Variants in CKAP5 observed in about 807,000 individuals in gnomAD.
CKAP5 encodes cytoskeleton-associated protein 5.
A neutral mutation model predicts 232.8 loss-of-function variants in CKAP5; 27 were observed. The ratio of observed to expected loss-of-function variants is 0.12; its 90% CI spans 0.09 to 0.16. The LOEUF (loss-of-function observed/expected upper bound fraction) is 0.16, where lower values mean the gene tolerates loss of function less well. CKAP5 is among the 10% of genes least tolerant of loss of function. The probability of loss-of-function intolerance (pLI) is 1.00; values close to 1 mark genes in which losing one functional copy is unlikely to be tolerated. For missense variants in CKAP5, 1,838 were observed against 2,424.7 expected (o/e 0.76, Z 5.08); for synonymous variants, 785 against 841.1 (o/e 0.93, Z 1.16).
At chr11:46,753,523 A>G in intron 36 of CKAP5, 26 bp from the exon 37 acceptor site, 2 of 1,558,152 alleles carry the variant, frequency 1.3e-6, no homozygotes, top group Non-Finnish European at 1.8e-6. Flanking sequence ...TGTGTCAGGG[A>G]GGTGTAAAAC....
intron 1 of CKAP5, among the ~76,000 whole-genome samples, chr11:46,822,294 A>C (rs1179166940): frequency 3.3e-5 from 5 of 152,090 alleles, no homozygotes; most frequent in Non-Finnish European, 5.9e-5. Context: ...AAAACCAAAA[A>C]TTTGTTTTCT....
rs967712001 is a variant in CKAP5 at position 46,788,617 on chromosome 11, T to G, written c.1968+64A>C. 2.0e-4 allele frequency: 193 copies of G among 946,712 alleles called. 1 individual carries two copies. Among genetic ancestry groups the G allele is most frequent in the Middle Eastern group, 2.1e-4 (1 of 4,736 alleles). 58.6% of individuals were successfully genotyped at this position (946,712 alleles called of 1,614,324 possible). On this transcript the variant is annotated intron_variant, in intron 16 of 43. Transcript: ENST00000529230. ...TACGAAAACTATTCTGCTGTATTACTCCATAGGATGATGTAATGTAAATTA... is the reference window on the plus strand; with the variant it reads ...TACGAAAACTATTCTGCTGTATTACGCCATAGGATGATGTAATGTAAATTA...
chr11:46,769,498 C>G (rs1300899696), intron 26 of CKAP5, among the ~76,000 whole-genome samples: 2 of 152,038 alleles, frequency 1.3e-5, no homozygotes, highest in African/African-American at 4.8e-5. Flanking sequence ...GAGTTTGAGA[C>G]CAACCTGCGC....
chr11:46,772,237 C>A (rs574422938), intron 24 of CKAP5, among the ~76,000 whole-genome samples: 26 of 152,002 alleles, frequency 1.7e-4, no homozygotes, highest in African/African-American at 6.0e-4. Context: ...GCTTACAAAT[C>A]TTTTCTGTTG....
At chr11:46,776,646 T>C (rs2065293464) in intron 23 of CKAP5, among the ~76,000 whole-genome samples, 1 of 152,186 alleles carries the variant, frequency 6.6e-6, no homozygotes, top group Non-Finnish European at 1.5e-5. Context: ...GCATAAAATA[T>C]CATGTAAGAA....
At position 46,744,429 on chromosome 11, in the gene CKAP5, T is replaced by G. The variant is rs1209895156; in HGVS notation, c.5853A>C (p.Thr1951=). ...CACAGAAGAAAAGGAGCAGTACCTT[T>G]GTGTTGTCCAGACCACATCGCTGTC... ...ILRQRCGLDN[T]KQDDRPPLTS... is the part of the protein sequence containing the mutation. Residue 1951 remains threonine, a synonymous_variant, in exon 43 of 44, where the codon ACA becomes ACC. Coordinates refer to ENST00000529230, the MANE Select transcript of CKAP5 (RefSeq NM_001008938.4). The G allele has an allele frequency of 6.2e-7, 1 of 1,614,022 alleles. No homozygotes were observed. The highest frequency in any genetic ancestry group is 8.5e-7 in the Non-Finnish European group (1 of 1,180,034).
chr11:46,762,459 G>T, intron 31 of CKAP5, 168 bp downstream of exon 31: 1 of 949,956 alleles, frequency 1.1e-6, no homozygotes, highest in Non-Finnish European at 1.7e-6. Flanking sequence ...TGTATCACCT[G>T]ATACCATGGC....
intron 1 of CKAP5, among the ~76,000 whole-genome samples, chr11:46,836,225 G>C (rs922574039): frequency 6.6e-6 from 1 of 152,164 alleles, no homozygotes; most frequent in Non-Finnish European, 1.5e-5. Flanking sequence ...TCTGGAGTTT[G>C]TTTAAACGAT....
At position 46,751,238 on chromosome 11, in the gene CKAP5, C is replaced by T. The variant is rs549527156; in HGVS notation, c.5340G>A (p.Thr1780=). The T allele has an allele frequency of 3.0e-4, 487 of 1,614,162 alleles. No homozygotes were observed. In the South Asian group the frequency reaches 3.6e-3, roughly 12 times the overall value. Residue 1780 remains threonine (T), a synonymous_variant, in exon 40 of 44, where the codon ACG becomes ACA. Coordinates refer to ENST00000529230, the MANE Select transcript of CKAP5 (RefSeq NM_001008938.4). Reference sequence around the variant, plus strand: ...CAGACTCGTTTTTGTTGTCGATCATCGTTAGGTGGTCCAGGATCTGAGGGA... The same window carrying T: ...CAGACTCGTTTTTGTTGTCGATCATTGTTAGGTGGTCCAGGATCTGAGGGA... ...LKGPKILDHL[T]MIDNKNESEL...
intron 1 of CKAP5, among the ~76,000 whole-genome samples, chr11:46,823,222 G>A (rs1293917133): frequency 6.6e-6 from 1 of 151,880 alleles, no homozygotes; most frequent in Non-Finnish European, 1.5e-5. Flanking sequence ...CCCACTGATC[G>A]TGAGCCACCG....
At chr11:46,827,925 G>T (rs1251059709) in intron 1 of CKAP5, among the ~76,000 whole-genome samples, 1 of 152,116 alleles carries the variant, frequency 6.6e-6, no homozygotes, top group East Asian at 1.9e-4. Context: ...TACAAGGTTT[G>T]ACTGCATTTT....
At chr11:46,776,100 C>G (rs1323538099) in intron 24 of CKAP5, among the ~76,000 whole-genome samples, 155 bp downstream of exon 24, 1 of 152,150 alleles carries the variant, frequency 6.6e-6, no homozygotes, top group Non-Finnish European at 1.5e-5. Flanking sequence ...AATGGAAGCA[C>G]ATGAATACAA....
chr11:46,763,240 A>G, intron 29 of CKAP5, 61 bp from the exon 30 acceptor site: 1 of 1,334,574 alleles, frequency 7.5e-7, no homozygotes. Flanking sequence ...TAATTCTACT[A>G]GGCAAGTGTC....
intron 15 of CKAP5, among the ~76,000 whole-genome samples, chr11:46,789,567 C>CGGGCG (rs1555164819): frequency 6.6e-6 from 1 of 152,022 alleles, no homozygotes; most frequent in Non-Finnish European, 1.5e-5. Flanking sequence ...GAGGCTGAGG[C>CGGGCG]GGGCGGATCA....
Position 46,778,183 on chromosome 11 carries a change from G to A in CKAP5, c.2704C>T (p.Pro902Ser), listed in dbSNP as rs2134619156. 3 of 1,614,048 alleles carry A rather than the reference G, an allele frequency of 1.9e-6. No homozygotes were observed. Among genetic ancestry groups the A allele is most frequent in the Non-Finnish European group, 2.5e-6 (3 of 1,179,984 alleles). Residue 902 changes from proline to serine, a missense_variant, in exon 22 of 44, where the codon CCA (proline) becomes TCA (serine). Pro to Ser is a moderately conservative substitution (Grantham distance 74). Coordinates refer to ENST00000529230, the MANE Select transcript of CKAP5 (RefSeq NM_001008938.4). ...TTGAGTCGACCCTTCAAGGCAGTTG[G>A]AAGTTCACCTATATTCGGTTGGATA... is the stretch of plus-strand genomic sequence containing the variant. ...KFIQPNIGEL[P>S]TALKGRLNDS...
In CKAP5 at chr11:46,795,607, G is replaced by A. The variant is rs1293012198; in HGVS notation, c.1637C>T (p.Ala546Val). The A allele has an allele frequency of 6.2e-7, 1 of 1,612,702 alleles. No homozygotes were observed. The highest frequency in any genetic ancestry group is 2.2e-5 in the East Asian group (1 of 44,880). ...TAATCTATTAACCTTAGCAGCAGGT[G>A]CCTTTTTTAGAGGTCCTGGTTTGGG... ...SAPKPGPLKKAPAAKAGGPPK... is the reference protein window; with the variant it reads ...SAPKPGPLKKVPAAKAGGPPK... Residue 546 changes from alanine to valine, a missense_variant, in exon 13 of 44, where the codon GCA becomes GTA. Ala to Val is a moderately conservative substitution (Grantham distance 64, BLOSUM62 0). Transcript: ENST00000529230.
chr11:46,823,834 T>G (rs1467631393), intron 1 of CKAP5, among the ~76,000 whole-genome samples: 1 of 152,214 alleles, frequency 6.6e-6, no homozygotes, highest in Non-Finnish European at 1.5e-5. Context: ...TTGCCCAGGC[T>G]GGCCGATTTT....
chr11:46,755,355 A>AGGC (rs2065102566), intron 35 of CKAP5, among the ~76,000 whole-genome samples: 1 of 152,004 alleles, frequency 6.6e-6, no homozygotes, highest in South Asian at 2.1e-4. Flanking sequence ...CTAGGATTAC[A>AGGC]GGCGCCTGCC....
At chr11:46,793,934 A>C (rs1290956461) in intron 13 of CKAP5, among the ~76,000 whole-genome samples, 1 of 138,820 alleles carries the variant, frequency 7.2e-6, no homozygotes, top group Admixed American at 7.0e-5. Flanking sequence ...CTCAGAAAAA[A>C]CAAAAAAAAA....
Sources: gnomAD v4.1 joint callset for allele counts (sites outside exome capture counted in the v4.1 genomes callset) on GRCh38, gnomAD v4.1.1 for gene constraint, MANE v1.5 for transcripts, NCBI Gene and HGNC (gene_info 2026-07-23, HGNC 2026-07-21) for gene names.